SNTG2: variants seen among roughly 807,000 people sequenced by gnomAD.
The protein encoded by SNTG2 is gamma-2-syntrophin.
A neutral mutation model predicts 70.9 loss-of-function variants in SNTG2; 74 were observed. The observed-to-expected ratio is 1.04, with a 90% CI of 0.86 to 1.27. The LOEUF is 1.27. Among genes scored for constraint, SNTG2 ranks in the 50% most tolerant of loss-of-function variants. The pLI, the probability that SNTG2 is intolerant of heterozygous loss-of-function variation, is 0.00. For synonymous variants in SNTG2, 278 were observed against 273.8 expected (o/e 1.02, Z -0.15); for missense variants, 717 against 690.7 (o/e 1.04, Z -0.43).
At chr2:1,357,869 TCTGA>T (rs1660933378) in intron 16 of SNTG2, among the ~76,000 whole-genome samples, 1 of 152,124 alleles carries the variant, frequency 6.6e-6, no homozygotes, top group Admixed American at 6.5e-5. Context: ...TTCTCTCATT[TCTGA>T]CTTTGAGTTT....
At chr2:1,060,857 C>G (rs142891170) in intron 1 of SNTG2, among the ~76,000 whole-genome samples, 169 of 152,274 alleles carry the variant, frequency 1.1e-3, no homozygotes, top group African/African-American at 3.9e-3. Flanking sequence ...AGACCAGGAG[C>G]AGGATATGTT....
chr2:1,038,303 G>A (rs901350551), intron 1 of SNTG2, among the ~76,000 whole-genome samples: 9 of 152,130 alleles, frequency 5.9e-5, no homozygotes, highest in East Asian at 1.9e-4. Flanking sequence ...TTCATTTTCT[G>A]TAACCACGTT....
At chr2:1,193,560 A>G (rs1013206305) in intron 8 of SNTG2, among the ~76,000 whole-genome samples, 1 of 151,852 alleles carries the variant, frequency 6.6e-6, no homozygotes, top group Non-Finnish European at 1.5e-5. Context: ...ACAGTGATGC[A>G]CCTGCCACAG....
intron 12 of SNTG2, among the ~76,000 whole-genome samples, chr2:1,252,680 G>C (rs1357346329): frequency 6.6e-6 from 1 of 152,178 alleles, no homozygotes. Flanking sequence ...GGTGGGCTGA[G>C]TGTTTTGCAG....
intron 8 of SNTG2, among the ~76,000 whole-genome samples, chr2:1,199,052 C>T (rs557984021): frequency 1.5e-4 from 23 of 151,360 alleles, no homozygotes; most frequent in Non-Finnish European, 2.9e-4. Flanking sequence ...TTACGTAATG[C>T]AAAAACCAGA....
chr2:1,245,278 AAG>A (rs1367712606), intron 11 of SNTG2, among the ~76,000 whole-genome samples: 1 of 152,098 alleles, frequency 6.6e-6, no homozygotes, highest in Non-Finnish European at 1.5e-5. Context: ...AATAAAAAAA[AAG>A]GAAAAAAAAA....
chr2:1,159,717 T>G (rs1025194370), intron 6 of SNTG2, among the ~76,000 whole-genome samples: 9 of 151,668 alleles, frequency 5.9e-5, no homozygotes, highest in Admixed American at 4.6e-4. Context: ...AAGAAAGAAA[T>G]AATAAAAATG....
chr2:1,173,162 G>A lies in SNTG2; in HGVS notation c.570G>A (p.Leu190=). The A allele has an allele frequency of 1.2e-6, 2 of 1,613,990 alleles. No individual in the cohort carries two copies. The highest frequency in any genetic ancestry group is 1.7e-6 in the Non-Finnish European group (2 of 1,179,886). Residue 190 remains leucine (L), a synonymous_variant, in exon 8 of 17, where the codon CTG becomes CTA. Transcript: ENST00000308624. ...SSPLFDSGLH[L]NGNSSTTAPS... ...CCCTCTTTGACAGCGGTTTGCATCT[G>A]AACGGAAACTCCAGTACCACAGTAA...
chr2:1,159,812 A>G (rs1269349342), intron 6 of SNTG2, among the ~76,000 whole-genome samples: 2 of 152,208 alleles, frequency 1.3e-5, no homozygotes, highest in East Asian at 3.8e-4. Context: ...GTGGGCTTGT[A>G]ATAACGCAAG....
intron 4 of SNTG2, among the ~76,000 whole-genome samples, chr2:1,116,281 C>A (rs1666959714): frequency 6.6e-6 from 1 of 152,192 alleles, no homozygotes. Flanking sequence ...CTCTTATTCA[C>A]TAGAACACTT....
chr2:1,261,993 C>T (rs912956772), intron 13 of SNTG2, among the ~76,000 whole-genome samples: 8 of 152,146 alleles, frequency 5.3e-5, no homozygotes, highest in African/African-American at 1.9e-4. Flanking sequence ...AGTTCTAGAA[C>T]GTGTTCTCCA....
intron 1 of SNTG2, among the ~76,000 whole-genome samples, chr2:1,012,881 A>T (rs576440906): frequency 3.6e-5 from 2 of 54,804 alleles, no homozygotes; most frequent in East Asian, 7.6e-4. Flanking sequence ...AGAGGGATTT[A>T]TAAGGGCAGA....
At chr2:1,209,719 A>G (rs1378607973) in intron 9 of SNTG2, among the ~76,000 whole-genome samples, 2 of 152,232 alleles carry the variant, frequency 1.3e-5, no homozygotes, top group African/African-American at 4.8e-5. Context: ...ATGTAACTAT[A>G]AAAGTTGATG....
intron 1 of SNTG2, among the ~76,000 whole-genome samples, chr2:1,025,047 C>T (rs1660398289): frequency 6.6e-6 from 1 of 152,130 alleles, no homozygotes; most frequent in Admixed American, 6.5e-5. Flanking sequence ...ATGAAACACC[C>T]CCACTCACAC....
chr2:1,122,969 A>C (rs1667471381), intron 4 of SNTG2, among the ~76,000 whole-genome samples: 1 of 152,056 alleles, frequency 6.6e-6, no homozygotes, highest in Admixed American at 6.6e-5. Flanking sequence ...TCAGAAAAAA[A>C]TAAAATATTT....
intron 1 of SNTG2, among the ~76,000 whole-genome samples, chr2:1,082,126 G>A (rs1311265193): frequency 6.6e-6 from 1 of 152,152 alleles, no homozygotes; most frequent in Non-Finnish European, 1.5e-5. Context: ...CTCGGCGATG[G>A]TCTGTGGTTC....
intron 11 of SNTG2, among the ~76,000 whole-genome samples, chr2:1,244,718 A>C (rs979813445): frequency 1.4e-5 from 2 of 144,444 alleles, no homozygotes; most frequent in Non-Finnish European, 1.5e-5. Context: ...AAAAAAAAAC[A>C]GTTTGCAATA....
At chr2:1,348,413 TA>T (rs1381261347) in intron 16 of SNTG2, among the ~76,000 whole-genome samples, 2 of 152,230 alleles carry the variant, frequency 1.3e-5, no homozygotes, top group East Asian at 3.8e-4. Context: ...TTTTACAACC[TA>T]TTCTCTAAAG....
At chr2:969,772 T>C (rs1660680531) in intron 1 of SNTG2, among the ~76,000 whole-genome samples, 1 of 152,220 alleles carries the variant, frequency 6.6e-6, no homozygotes, top group Non-Finnish European at 1.5e-5. Flanking sequence ...GCAGAGACTG[T>C]AAGGTTTTCT....
Sources: gnomAD v4.1 joint callset for allele counts (sites outside exome capture counted in the v4.1 genomes callset) on GRCh38, gnomAD v4.1.1 for gene constraint, MANE v1.5 for transcripts, NCBI Gene and HGNC (gene_info 2026-07-23, HGNC 2026-07-21) for gene names.